Variants in SYTL5 observed in about 807,000 individuals in gnomAD.
SYTL5 encodes synaptotagmin-like protein 5.
In SYTL5, 34 loss-of-function variants were observed where a neutral mutation model predicts 55.9. The observed-to-expected ratio is 0.61, with a 90% CI of 0.46 to 0.81. The LOEUF (loss-of-function observed/expected upper bound fraction) is 0.81, where lower values mean the gene tolerates loss of function less well. Ranked by LOEUF, SYTL5 falls within the 30% of genes least tolerant of loss-of-function variation. The pLI is 0.00. For synonymous variants in SYTL5, 221 were observed against 188.7 expected (o/e 1.17, Z -1.40); for missense variants, 637 against 546.7 (o/e 1.17, Z -1.65).
intron 10 of SYTL5, among the ~76,000 whole-genome samples, chrX:38,105,345 G>A (rs1313285059): frequency 4.4e-5 from 5 of 112,994 alleles, no homozygotes; most frequent in African/African-American, 1.6e-4. Context: ...GTGTGCCCAA[G>A]GTGCTCAGAG....
At chrX:37,945,867 A>G in the SYTL5 span, 4 of 169,147 alleles carry the variant, frequency 2.4e-5, no homozygotes. Context: ...AGAAGGCTCT[A>G]TGCAGAGATT....
At chrX:38,122,683 G>A (rs1287502692) in intron 15 of SYTL5, among the ~76,000 whole-genome samples, 2 of 111,907 alleles carry the variant, frequency 1.8e-5, no homozygotes, top group East Asian at 5.6e-4. Context: ...GCTTTGGAGA[G>A]GCTCCAAGAC....
intron 1 of SYTL5, among the ~76,000 whole-genome samples, chrX:38,032,396 T>C (rs966891157): frequency 8.9e-6 from 1 of 111,732 alleles, no homozygotes; most frequent in African/African-American, 3.3e-5. Context: ...CCTGGTGAGC[T>C]TCTTATGTTG....
chrX:37,951,012 G>C, the SYTL5 span, among the ~76,000 whole-genome samples: 61 of 108,045 alleles, frequency 5.6e-4, no homozygotes, highest in Admixed American at 1.8e-3. Flanking sequence ...TGTGTAAATT[G>C]ATCTGATCTG....
At chrX:37,992,318 T>A in the SYTL5 span, among the ~76,000 whole-genome samples, 1 of 112,864 alleles carries the variant, frequency 8.9e-6, no homozygotes, top group Non-Finnish European at 1.9e-5. Flanking sequence ...ATTTTAGGTT[T>A]CCACCTCTTC....
chrX:37,960,810 A>ATTTTTTTATTTTTTTATTTT, the SYTL5 span, among the ~76,000 whole-genome samples: 1 of 88,565 alleles, frequency 1.1e-5, no homozygotes, highest in African/African-American at 4.1e-5. Context: ...TTATTTATTT[A>ATTTTTTTATTTTTTTATTTT]TTTGAGATGG....
the SYTL5 span, among the ~76,000 whole-genome samples, chrX:37,910,558 T>G: frequency 2.3e-3 from 263 of 112,399 alleles, 1 homozygote; most frequent in Non-Finnish European, 2.9e-3. Context: ...CTTATTAAAA[T>G]TTAGATTCTA....
the SYTL5 span, among the ~76,000 whole-genome samples, chrX:37,954,944 A>G: frequency 1.8e-5 from 2 of 111,559 alleles, no homozygotes; most frequent in South Asian, 3.7e-4. Context: ...AACAACTTTT[A>G]TATAACTTTT....
intron 3 of SYTL5, among the ~76,000 whole-genome samples, chrX:38,064,228 A>G (rs1293679098): frequency 2.7e-5 from 3 of 111,650 alleles, no homozygotes; most frequent in Non-Finnish European, 3.8e-5. Context: ...ACCAAACGGT[A>G]TGAGCATTTT....
At chrX:38,046,463 G>A (rs1210216980) in intron 2 of SYTL5, among the ~76,000 whole-genome samples, 1 of 111,359 alleles carries the variant, frequency 9.0e-6, no homozygotes, top group Non-Finnish European at 1.9e-5. Flanking sequence ...CAGATCTCAT[G>A]AGACTTATTC....
chrX:37,892,191 G>A, the SYTL5 span, among the ~76,000 whole-genome samples: 1 of 110,297 alleles, frequency 9.1e-6, no homozygotes, highest in Admixed American at 9.9e-5. Flanking sequence ...AGGCTTTTAA[G>A]TAGAGCAGTA....
chrX:38,037,576 A>G (rs1014820533), intron 2 of SYTL5, among the ~76,000 whole-genome samples: 4 of 111,739 alleles, frequency 3.6e-5, no homozygotes, highest in African/African-American at 1.3e-4. Context: ...ATTGTGGTTT[A>G]CATACTGGTA....
At chrX:37,912,366 T>G in the SYTL5 span, among the ~76,000 whole-genome samples, 1 of 112,372 alleles carries the variant, frequency 8.9e-6, no homozygotes, top group Non-Finnish European at 1.9e-5. Flanking sequence ...CTGTTTCTCC[T>G]GACTTCATGC....
At chrX:38,041,020 C>A (rs181943851) in intron 2 of SYTL5, among the ~76,000 whole-genome samples, 42 of 111,890 alleles carry the variant, frequency 3.8e-4, no homozygotes, top group African/African-American at 1.3e-3. Flanking sequence ...AGTTGAAATG[C>A]GCCACTAAAT....
At chrX:38,082,909 G>T (rs371714561) in intron 6 of SYTL5, among the ~76,000 whole-genome samples, 15 of 112,059 alleles carry the variant, frequency 1.3e-4, no homozygotes, top group African/African-American at 4.9e-4. Flanking sequence ...AGATGGAGAG[G>T]TAAGTTGGAC....
the SYTL5 span, among the ~76,000 whole-genome samples, chrX:37,898,715 G>C: frequency 8.9e-6 from 1 of 112,240 alleles, no homozygotes; most frequent in African/African-American, 3.2e-5. Flanking sequence ...TATAGGACAA[G>C]ATAATAACAG....
chrX:37,976,708 C>T, the SYTL5 span, among the ~76,000 whole-genome samples: 4 of 109,233 alleles, frequency 3.7e-5, no homozygotes, highest in Non-Finnish European at 5.7e-5. Context: ...TGGTGGCTCA[C>T]GCCTGTAATC....
At chrX:37,985,226 C>T in the SYTL5 span, among the ~76,000 whole-genome samples, 1 of 111,326 alleles carries the variant, frequency 9.0e-6, no homozygotes, top group Non-Finnish European at 1.9e-5. Context: ...ATAGAATATC[C>T]TAAAGAATCC....
intron 15 of SYTL5, among the ~76,000 whole-genome samples, chrX:38,123,035 G>A (rs968050525): frequency 2.7e-5 from 3 of 112,354 alleles, no homozygotes; most frequent in East Asian, 2.8e-4. Flanking sequence ...TCTTTGAGTC[G>A]GATGGCAATA....
Sources: gnomAD v4.1 joint callset for allele counts (sites outside exome capture counted in the v4.1 genomes callset) on GRCh38, gnomAD v4.1.1 for gene constraint, MANE v1.5 for transcripts, NCBI Gene and HGNC (gene_info 2026-07-23, HGNC 2026-07-21) for gene names.